Variants in TRAPPC9 observed in about 807,000 individuals in gnomAD.
TRAPPC9 encodes the protein trafficking protein particle complex subunit 9.
TRAPPC9 carries 83 observed loss-of-function variants against 124.0 expected under a neutral mutation model. The observed-to-expected ratio is 0.67, with a 90% CI of 0.56 to 0.80. The LOEUF is 0.80. TRAPPC9 is among the 30% of genes least tolerant of loss of function. TRAPPC9 has a pLI of 0.00. For missense variants in TRAPPC9, 1,302 were observed against 1,508.3 expected, an observed-to-expected ratio of 0.86 and a Z score of 2.27; for synonymous variants, 638 against 617.5, an observed-to-expected ratio of 1.03 and a Z score of -0.49.
intron 4 of TRAPPC9, among the ~76,000 whole-genome samples, chr8:140,434,270 T>C (rs979809062): frequency 2.0e-5 from 3 of 152,204 alleles, no homozygotes; most frequent in African/African-American, 7.2e-5. Flanking sequence ...TTGTGACCTA[T>C]GCAACATGAT....
chr8:140,321,217 T>C (rs571727062), intron 9 of TRAPPC9, among the ~76,000 whole-genome samples: 31 of 152,284 alleles, frequency 2.0e-4, no homozygotes, highest in Non-Finnish European at 3.4e-4. Flanking sequence ...CTCATGGGGC[T>C]AGGAGAGCCA....
In TRAPPC9 at chr8:139,929,088, G is replaced by A. The variant is rs940725802; in HGVS notation, c.2811-18788C>T. On this transcript the variant is annotated intron_variant, in intron 19 of 22. Coordinates refer to ENST00000438773, the MANE Select transcript of TRAPPC9 (RefSeq NM_001160372.4). ...TGACTAGCAAATACTTCACGAAATC[G>A]GGAATTATTTTTAGTTCTATTTGTT... Among the ~76,000 whole-genome samples the A allele has an allele frequency of 2.0e-4, 31 of 152,086 alleles. No individual in the cohort carries two copies. The Middle Eastern group carries it at 0.014, about 67-fold the overall frequency.
chr8:139,751,344 C>T (rs1038456085), intron 21 of TRAPPC9, among the ~76,000 whole-genome samples: 1 of 152,164 alleles, frequency 6.6e-6, no homozygotes, highest in African/African-American at 2.4e-5. Flanking sequence ...GATTGACCCC[C>T]GCCATGGCAT....
chr8:139,926,712 C>T (rs1349555485), intron 19 of TRAPPC9, among the ~76,000 whole-genome samples: 1 of 151,670 alleles, frequency 6.6e-6, no homozygotes, highest in African/African-American at 2.4e-5. Flanking sequence ...GGGTGAGACT[C>T]TGCCTCAGAA....
chr8:139,784,534 A>G (rs1362719332), intron 21 of TRAPPC9, among the ~76,000 whole-genome samples: 2 of 150,382 alleles, frequency 1.3e-5, no homozygotes, highest in African/African-American at 4.9e-5. Context: ...AGATCGCGCC[A>G]TTGCACTCCA....
At chr8:140,124,499 C>T (rs1041196225) in intron 17 of TRAPPC9, among the ~76,000 whole-genome samples, 5 of 152,234 alleles carry the variant, frequency 3.3e-5, no homozygotes, top group East Asian at 1.9e-4. Flanking sequence ...CCTTTGGCTA[C>T]GTCAGGTCAC....
At chr8:140,146,578 G>A (rs2061466621) in intron 17 of TRAPPC9, among the ~76,000 whole-genome samples, 1 of 152,088 alleles carries the variant, frequency 6.6e-6, no homozygotes, top group African/African-American at 2.4e-5. Context: ...AAAACAGCAT[G>A]AACCTTGGAA....
chr8:139,758,403 T>A (rs528578208), intron 21 of TRAPPC9, among the ~76,000 whole-genome samples: 2 of 152,278 alleles, frequency 1.3e-5, no homozygotes, highest in African/African-American at 4.8e-5. Flanking sequence ...TGAACTTGGC[T>A]CACATATTGA....
intron 19 of TRAPPC9, among the ~76,000 whole-genome samples, chr8:139,930,246 A>T (rs1833057425): frequency 6.6e-6 from 1 of 152,132 alleles, no homozygotes; most frequent in Non-Finnish European, 1.5e-5. Flanking sequence ...CCTCCATCCC[A>T]ACTCCTGAGA....
intron 21 of TRAPPC9, among the ~76,000 whole-genome samples, chr8:139,740,660 G>A (rs1358450513): frequency 6.6e-6 from 1 of 152,232 alleles, no homozygotes; most frequent in African/African-American, 2.4e-5. Context: ...CTGTCCTGGA[G>A]AGTGGTAGGC....
intron 17 of TRAPPC9, among the ~76,000 whole-genome samples, chr8:140,191,229 GGTT>G (rs774888075): frequency 1.3e-5 from 2 of 152,204 alleles, no homozygotes; most frequent in Non-Finnish European, 1.5e-5. Flanking sequence ...CACAAGAGCT[GGTT>G]GAGATCCATA....
chr8:139,754,458 T>C (rs1440203205), intron 21 of TRAPPC9, among the ~76,000 whole-genome samples: 3 of 152,200 alleles, frequency 2.0e-5, no homozygotes, highest in Non-Finnish European at 4.4e-5. Flanking sequence ...AGCTGGGTGC[T>C]GCCTTCCAAG....
At chr8:139,823,673 T>C (rs1825415047) in intron 21 of TRAPPC9, among the ~76,000 whole-genome samples, 1 of 152,180 alleles carries the variant, frequency 6.6e-6, no homozygotes, top group Non-Finnish European at 1.5e-5. Flanking sequence ...AAGCCTTGTC[T>C]GCTGACGGAC....
At chr8:140,443,155 G>C (rs1315272454) in intron 2 of TRAPPC9, among the ~76,000 whole-genome samples, 3 of 53,344 alleles carry the variant, frequency 5.6e-5, no homozygotes, top group Admixed American at 1.7e-4. Flanking sequence ...AAAAAAAAAA[G>C]CCAGGCGCGG....
At chr8:139,752,929 C>T (rs763172950) in intron 21 of TRAPPC9, among the ~76,000 whole-genome samples, 10 of 146,854 alleles carry the variant, frequency 6.8e-5, no homozygotes, top group Non-Finnish European at 1.5e-4. Context: ...CAGCATCTAC[C>T]CATGCATCCA....
At chr8:139,980,049 A>ACC (rs11406354) in intron 19 of TRAPPC9, among the ~76,000 whole-genome samples, 1 of 151,362 alleles carries the variant, frequency 6.6e-6, no homozygotes, top group Non-Finnish European at 1.5e-5. Context: ...TCCTGCAGGT[A>ACC]CCCCCCAGTG....
intron 21 of TRAPPC9, among the ~76,000 whole-genome samples, chr8:139,847,728 CT>C (rs1186211540): frequency 6.6e-6 from 1 of 151,722 alleles, no homozygotes; most frequent in Admixed American, 6.6e-5. Flanking sequence ...ACCTGCCCCC[CT>C]GGTGGCCCAG....
chr8:140,289,174 AGTGTGTGTGTGT>A (rs71320349), intron 12 of TRAPPC9, among the ~76,000 whole-genome samples: 28,143 of 148,308 alleles, frequency 0.19, 3,376 homozygotes, highest in East Asian at 0.58. Flanking sequence ...ATATATATAT[AGTGTGTGTGTGT>A]GTGTGTGTGT....
chr8:140,248,985 A>G lies in TRAPPC9; in HGVS notation c.2431+3792T>C, dbSNP rs558717515. On this transcript the variant is annotated intron_variant, in intron 16 of 22. Transcript: ENST00000438773. The stretch of plus-strand genomic sequence containing the variant: ...CGAGCCTACAGAAAAGTCACAAGAA[A>G]TGAAGATCTATATCTCTTTATCTAA... Among the ~76,000 whole-genome samples the G allele has an allele frequency of 3.9e-5, 6 of 152,200 alleles. No individual in the cohort carries two copies. In the South Asian group the frequency reaches 1.0e-3, roughly 26 times the overall value.
Sources: allele counts gnomAD v4.1 joint callset (sites outside exome capture counted in the v4.1 genomes callset), GRCh38; gene constraint gnomAD v4.1.1; transcripts MANE v1.5; gene names NCBI Gene and HGNC (gene_info 2026-07-23, HGNC 2026-07-21).